Variants in CD109 observed in about 807,000 individuals in gnomAD.
CD109 encodes the protein CD109 antigen.
In CD109, 149 loss-of-function variants were observed where a neutral mutation model predicts 165.8. The observed-to-expected ratio is 0.90, with a 90% CI of 0.79 to 1.03. The LOEUF is 1.03. Among genes scored for constraint, CD109 ranks in the 50% least tolerant of loss-of-function variants. CD109 has a pLI of 0.00. For synonymous variants in CD109, 585 were observed against 592.1 expected (o/e 0.99, Z 0.18); for missense variants, 1,712 against 1,677.8 (o/e 1.02, Z -0.36).
Position 73,766,174 on chromosome 6 carries a change from A to C in CD109, c.1332+20A>C, listed in dbSNP as rs574390533. 1 of 1,574,506 alleles carries C rather than the reference A, an allele frequency of 6.4e-7. No homozygotes were observed. The highest frequency in any genetic ancestry group is 1.7e-5 in the Admixed American group (1 of 59,884). On this transcript the variant is annotated intron_variant, in intron 11 of 32. Transcript: ENST00000287097. Reference sequence around the variant, plus strand: ...TTGAAGGTGCCGTCTGTTTCCCATCATTGTGTCACTGCAACAACACCATTA... The same window carrying C: ...TTGAAGGTGCCGTCTGTTTCCCATCCTTGTGTCACTGCAACAACACCATTA...
chr6:73,743,550 C>G (rs1345746410), intron 5 of CD109, among the ~76,000 whole-genome samples: 3 of 152,132 alleles, frequency 2.0e-5, no homozygotes, highest in South Asian at 4.1e-4. Flanking sequence ...TCAGGATATT[C>G]CTTATTTTTT....
chr6:73,720,132 T>TA (rs773670646), intron 2 of CD109, among the ~76,000 whole-genome samples: 1 of 152,228 alleles, frequency 6.6e-6, no homozygotes, highest in Non-Finnish European at 1.5e-5. Context: ...GAAAGTGTGG[T>TA]ATATATACGT....
intron 2 of CD109, 102 bp from the exon 3 acceptor site, chr6:73,723,149 C>A: frequency 6.3e-7 from 1 of 1,582,948 alleles, no homozygotes. Context: ...TTTATGATTC[C>A]ACCTACACAT....
intron 1 of CD109, 133 bp downstream of exon 1, chr6:73,696,422 C>T: frequency 2.9e-6 from 2 of 678,160 alleles, no homozygotes; most frequent in South Asian, 2.9e-5. Context: ...GCTGCAGTCC[C>T]CAGCCTGGTA....
chr6:73,769,861 A>G (rs567633787), intron 14 of CD109, among the ~76,000 whole-genome samples: 11 of 152,330 alleles, frequency 7.2e-5, no homozygotes, highest in Admixed American at 5.9e-4. Context: ...TAACCTACAT[A>G]CAGTGGTTTG....
Position 73,771,532 on chromosome 6 carries a change from A to C in CD109, c.1778A>C (p.Asp593Ala), listed in dbSNP as rs1774034712. 1 of 1,610,048 alleles carries C rather than the reference A, an allele frequency of 6.2e-7. No homozygotes were observed. The highest frequency in any genetic ancestry group is 2.2e-5 in the East Asian group (1 of 44,730). Residue 593 changes from aspartate to alanine, a missense_variant, in exon 15 of 33, where the codon GAC (aspartate) becomes GCC (alanine). Asp to Ala is a moderately radical substitution (Grantham distance 126, BLOSUM62 -2). Coordinates refer to ENST00000287097, the MANE Select transcript of CD109 (RefSeq NM_133493.5). ...TCCATAGTTGGGATTGTAGCTGTTG[A>C]CAAAAGTGTGAATCTGATGAATGCC... is the stretch of plus-strand genomic sequence containing the variant. ...PDSIVGIVAV[D>A]KSVNLMNASN...
chr6:73,706,293 G>T (rs1419992363), intron 2 of CD109, among the ~76,000 whole-genome samples: 1 of 152,104 alleles, frequency 6.6e-6, no homozygotes, highest in African/African-American at 2.4e-5. Context: ...ATCTTCCCTG[G>T]TGGTGCCCTA....
chr6:73,734,778 T>A (rs1772485141), intron 4 of CD109, among the ~76,000 whole-genome samples: 1 of 152,232 alleles, frequency 6.6e-6, no homozygotes, highest in Admixed American at 6.5e-5. Context: ...CCCCACTCAC[T>A]ACTTCTAGGC....
intron 22 of CD109, among the ~76,000 whole-genome samples, chr6:73,788,982 A>T (rs999304846): frequency 6.6e-6 from 1 of 152,186 alleles, no homozygotes; most frequent in African/African-American, 2.4e-5. Flanking sequence ...GGGAGGGTTC[A>T]TTCCTAAGAG....
At chr6:73,760,131 G>C (rs1345288399) in intron 7 of CD109, among the ~76,000 whole-genome samples, 1 of 152,114 alleles carries the variant, frequency 6.6e-6, no homozygotes, top group African/African-American at 2.4e-5. Context: ...TTCTGGGCCG[G>C]GCGCAGTGGC....
chr6:73,688,514 T>C, the CD109 span, among the ~76,000 whole-genome samples: 1 of 152,148 alleles, frequency 6.6e-6, no homozygotes, highest in Non-Finnish European at 1.5e-5. Flanking sequence ...GACACAGAGC[T>C]CCTAAATCCC....
At chr6:73,687,703 G>T in the CD109 span, among the ~76,000 whole-genome samples, 1 of 152,078 alleles carries the variant, frequency 6.6e-6, no homozygotes, top group African/African-American at 2.4e-5. Context: ...TCCTTGACTT[G>T]GTCCTTGACC....
chr6:73,711,989 T>C (rs867223658), intron 2 of CD109, among the ~76,000 whole-genome samples: 22 of 152,180 alleles, frequency 1.4e-4, no homozygotes, highest in South Asian at 2.1e-4. Flanking sequence ...TCTTATCCCT[T>C]ACCTCCCTGC....
intron 30 of CD109, among the ~76,000 whole-genome samples, chr6:73,816,280 T>C (rs1236477054): frequency 1.3e-5 from 2 of 152,230 alleles, no homozygotes; most frequent in Non-Finnish European, 2.9e-5. Flanking sequence ...AATTATTTTT[T>C]ACGAATCTTC....
chr6:73,725,628 C>T lies in CD109; in HGVS notation c.276+2349C>T, dbSNP rs1434865538. Among the ~76,000 whole-genome samples, 4 of 151,436 alleles carry T rather than the reference C, an allele frequency of 2.6e-5. No individual in the cohort carries two copies. The East Asian group carries it at 7.8e-4, about 29-fold the overall frequency. ...GATTCAAGAGATTCTCCTGCCTCAG[C>T]CTCCCGAGTAGCTGGGATTACAGGC... On this transcript the variant is annotated intron_variant, in intron 3 of 32. Transcript: ENST00000287097.
Position 73,808,215 on chromosome 6 carries a change from TTGAATATGC to T in CD109, c.3326_3334del (p.Asn1109_Leu1111del). ...GGGGAGTCCTAAAGCGAAGGAAGCT[TTGAATATGC>T]TGACTTGGAGAGCAGAACAAGAAGG... On this transcript the variant is annotated inframe_deletion, in exon 26 of 33. Transcript: ENST00000287097. The T allele has an allele frequency of 6.2e-7, 1 of 1,613,382 alleles. No homozygotes were observed. Among genetic ancestry groups the T allele is most frequent in the South Asian group, 1.1e-5 (1 of 91,022 alleles).
chr6:73,802,553 A>G (rs1258002508), intron 23 of CD109, among the ~76,000 whole-genome samples: 1 of 152,006 alleles, frequency 6.6e-6, no homozygotes, highest in African/African-American at 2.4e-5. Context: ...ACAGTGCTAG[A>G]TGACTAAGCA....
chr6:73,698,240 C>CTTT (rs1385615061), intron 2 of CD109, among the ~76,000 whole-genome samples: 5 of 152,252 alleles, frequency 3.3e-5, no homozygotes, highest in Non-Finnish European at 7.4e-5. Context: ...TGAATGTCTT[C>CTTT]TTTTTCAGTG....
chr6:73,804,326 G>A (rs1775489112), intron 24 of CD109, among the ~76,000 whole-genome samples: 1 of 152,224 alleles, frequency 6.6e-6, no homozygotes. Flanking sequence ...TTTCAGTGTT[G>A]TATTGCTTGA....
Sources: gnomAD v4.1 joint callset for allele counts (sites outside exome capture counted in the v4.1 genomes callset) on GRCh38, gnomAD v4.1.1 for gene constraint, MANE v1.5 for transcripts, NCBI Gene and HGNC (gene_info 2026-07-23, HGNC 2026-07-21) for gene names.